AFF1: variants seen among roughly 807,000 people sequenced by gnomAD.
AFF1 encodes the protein AF4/FMR2 family member 1.
AFF1 carries 48 observed loss-of-function variants against 121.7 expected under a neutral mutation model. The observed-to-expected ratio is 0.39, with a 90% CI of 0.31 to 0.50. The LOEUF (loss-of-function observed/expected upper bound fraction) is 0.50, where lower values mean the gene tolerates loss of function less well. Among genes scored for constraint, AFF1 ranks in the 20% least tolerant of loss-of-function variants. The pLI is 0.76. For missense variants in AFF1, 1,523 were observed against 1,511.7 expected, an observed-to-expected ratio of 1.01 and a Z score of -0.12; for synonymous variants, 613 against 563.0, an observed-to-expected ratio of 1.09 and a Z score of -1.26.
chr4:87,097,913 A>G (rs1215622915), intron 8 of AFF1, among the ~76,000 whole-genome samples: 3 of 152,158 alleles, frequency 2.0e-5, no homozygotes, highest in Non-Finnish European at 4.4e-5. Context: ...GATTTGATCT[A>G]TTGTCAGCAT....
rs548869190 is a variant in AFF1 at position 87,055,420 on chromosome 4, G to A, written c.1059+7826G>A. Among the ~76,000 whole-genome samples, 19 of 152,210 alleles carry A rather than the reference G, an allele frequency of 1.2e-4. No individual in the cohort carries two copies. In the South Asian group the frequency reaches 2.5e-3, roughly 20 times the overall value. Reference sequence around the variant, plus strand: ...TGCATTTCACTTTCTATTCCTTCTCGGAAATGCCAGAAGTACATTTGGTAC... The same window carrying A: ...TGCATTTCACTTTCTATTCCTTCTCAGAAATGCCAGAAGTACATTTGGTAC... On this transcript the variant is annotated intron_variant, in intron 4 of 20. Coordinates refer to ENST00000395146, the MANE Select transcript of AFF1 (RefSeq NM_001166693.3).
At chr4:86,965,509 T>A (rs1722473894) in intron 2 of AFF1, among the ~76,000 whole-genome samples, 1 of 152,228 alleles carries the variant, frequency 6.6e-6, no homozygotes, top group Non-Finnish European at 1.5e-5. Flanking sequence ...ATTCCCCCTC[T>A]TCATTTTGCA....
intron 4 of AFF1, 63 bp from the exon 5 acceptor site, chr4:87,084,057 C>T: frequency 7.0e-7 from 1 of 1,433,134 alleles, no homozygotes; most frequent in Non-Finnish European, 9.8e-7. Flanking sequence ...TACAGTCATC[C>T]ACCAGTACCA....
rs113572706 is a variant in AFF1, at chr4:87,028,620, G to C, written c.39-17546G>C. 2.0e-3 allele frequency among the ~76,000 whole-genome samples: 309 copies of C among 152,192 alleles called. 2 individuals are homozygous for C. Among genetic ancestry groups the C allele is most frequent in the African/African-American group, 7.0e-3 (291 of 41,500 alleles). ...TTGAGGTCTCAGACCAAAGCTCTTG[G>C]ATTAAGGTACGTTTTTCTTCACCTA... is the stretch of plus-strand genomic sequence containing the variant. On this transcript the variant is annotated intron_variant, in intron 2 of 20. Transcript: ENST00000395146.
intron 4 of AFF1, chr4:87,047,857 G>A (rs1056708872): frequency 3.7e-6 from 2 of 536,964 alleles, no homozygotes; most frequent in East Asian, 6.7e-5. Flanking sequence ...GTAAAACATA[G>A]AGATCATAAG....
intron 2 of AFF1, among the ~76,000 whole-genome samples, chr4:87,007,958 A>G (rs1726334505): frequency 6.6e-6 from 1 of 152,078 alleles, no homozygotes; most frequent in South Asian, 2.1e-4. Flanking sequence ...AAGACCGGGA[A>G]CGCGCCGGGG....
At chr4:86,957,224 T>C (rs80347933) in intron 2 of AFF1, among the ~76,000 whole-genome samples, 123 of 152,338 alleles carry the variant, frequency 8.1e-4, no homozygotes, top group Admixed American at 1.6e-3. Context: ...GGGATACTAA[T>C]TTTATACTGT....
intron 2 of AFF1, among the ~76,000 whole-genome samples, chr4:87,037,923 A>G (rs1271577697): frequency 6.6e-6 from 1 of 152,196 alleles, no homozygotes; most frequent in Non-Finnish European, 1.5e-5. Flanking sequence ...TTATGTGGGC[A>G]GTGTTTTCAA....
At chr4:86,999,739 T>A (rs968221943) in intron 2 of AFF1, among the ~76,000 whole-genome samples, 1 of 152,078 alleles carries the variant, frequency 6.6e-6, no homozygotes, top group Non-Finnish European at 1.5e-5. Flanking sequence ...TAAAATAAGA[T>A]TGAGTTGCTT....
At chr4:87,103,532 A>C (rs1725628688) in intron 8 of AFF1, among the ~76,000 whole-genome samples, 1 of 151,998 alleles carries the variant, frequency 6.6e-6, no homozygotes, top group South Asian at 2.1e-4. Context: ...CACAGTCCGT[A>C]CTCTTTAGGT....
intron 2 of AFF1, among the ~76,000 whole-genome samples, chr4:87,021,035 G>A (rs1317976101): frequency 1.3e-5 from 2 of 151,988 alleles, no homozygotes; most frequent in Admixed American, 6.6e-5. Flanking sequence ...ATATTTAAGC[G>A]CCATCATCAA....
rs946024613 is a variant in AFF1, at chr4:87,049,759, G to A, written c.1059+2165G>A. ...AACTGCCTGGGAGCCCCGTGGCGCT[G>A]TTGGTGAGTGGGAGGATGGAACTGA... On this transcript the variant is annotated intron_variant, in intron 4 of 20. Transcript: ENST00000395146. 38 of 456,068 alleles carry A rather than the reference G, an allele frequency of 8.3e-5. No individual in the cohort carries two copies. The Admixed American group carries it at 8.9e-4, about 11-fold the overall frequency. The allele number at this position is 456,068 out of a possible 1,614,324, so 28.3% of individuals were successfully genotyped here.
At chr4:87,062,805 A>G (rs886566871) in intron 4 of AFF1, among the ~76,000 whole-genome samples, 1 of 152,196 alleles carries the variant, frequency 6.6e-6, no homozygotes, top group Non-Finnish European at 1.5e-5. Flanking sequence ...GAATAAGTAT[A>G]TAATACAGCA....
At chr4:86,952,632 C>T (rs1215935881) in intron 2 of AFF1, among the ~76,000 whole-genome samples, 2 of 151,076 alleles carry the variant, frequency 1.3e-5, no homozygotes, top group Admixed American at 1.3e-4. Flanking sequence ...CCTGCATGTT[C>T]TGCACATGTA....
At chr4:87,026,784 G>C (rs1275781983) in intron 2 of AFF1, among the ~76,000 whole-genome samples, 1 of 152,188 alleles carries the variant, frequency 6.6e-6, no homozygotes, top group Non-Finnish European at 1.5e-5. Context: ...TTGTATTACA[G>C]ATTTACTTAT....
chr4:86,960,547 GTATTTC>G (rs1176609534), intron 2 of AFF1, among the ~76,000 whole-genome samples: 1 of 152,164 alleles, frequency 6.6e-6, no homozygotes, highest in Non-Finnish European at 1.5e-5. Context: ...TTTAAAGATA[GTATTTC>G]TTTATATTTG....
intron 2 of AFF1, among the ~76,000 whole-genome samples, chr4:86,998,250 A>C (rs2149516653): frequency 6.6e-6 from 1 of 152,262 alleles, no homozygotes; most frequent in Admixed American, 6.5e-5. Context: ...CTGCTGTGGA[A>C]GGGGCTGCCT....
intron 12 of AFF1, among the ~76,000 whole-genome samples, chr4:87,122,577 C>G (rs781002009): frequency 6.6e-6 from 1 of 152,138 alleles, no homozygotes; most frequent in East Asian, 1.9e-4. Flanking sequence ...GTTTAGAACT[C>G]GGTTGCTTAT....
At chr4:86,970,758 A>G (rs968827749) in intron 2 of AFF1, among the ~76,000 whole-genome samples, 7 of 152,300 alleles carry the variant, frequency 4.6e-5, no homozygotes, top group Non-Finnish European at 1.0e-4. Flanking sequence ...CAGAGACCTG[A>G]GGAAGTTTGC....
Sources: gnomAD v4.1 joint callset for allele counts (sites outside exome capture counted in the v4.1 genomes callset) on GRCh38, gnomAD v4.1.1 for gene constraint, MANE v1.5 for transcripts, NCBI Gene and HGNC (gene_info 2026-07-23, HGNC 2026-07-21) for gene names.